GPHN: variants seen among roughly 807,000 people sequenced by gnomAD.
The protein encoded by GPHN is gephyrin.
In GPHN, 17 loss-of-function variants were observed where a neutral mutation model predicts 95.5. The observed-to-expected ratio is 0.18, with a 90% CI of 0.12 to 0.27. The LOEUF (loss-of-function observed/expected upper bound fraction) is 0.27, where lower values mean the gene tolerates loss of function less well. GPHN is among the 10% of genes least tolerant of loss of function. GPHN has a pLI of 1.00. For missense variants in GPHN, 660 were observed against 978.1 expected (o/e 0.67, Z 4.34); for synonymous variants, 320 against 322.5 (o/e 0.99, Z 0.08).
intron 4 of GPHN, among the ~76,000 whole-genome samples, chr14:66,861,188 A>T (rs1372337294): frequency 6.6e-6 from 1 of 152,110 alleles, no homozygotes; most frequent in Admixed American, 6.5e-5. Flanking sequence ...AAAAGATGGA[A>T]AAAGATATTC....
chr14:67,144,363 C>A (rs190291948), intron 18 of GPHN, among the ~76,000 whole-genome samples: 107 of 145,992 alleles, frequency 7.3e-4, no homozygotes, highest in African/African-American at 2.7e-3. Flanking sequence ...ATAAAGACCA[C>A]AATTTGAATA....
chr14:66,731,681 G>A (rs923813358), intron 2 of GPHN, among the ~76,000 whole-genome samples: 1 of 152,166 alleles, frequency 6.6e-6, no homozygotes, highest in Admixed American at 6.5e-5. Flanking sequence ...GAAGCCCATT[G>A]TAGAAATTTT....
At chr14:66,811,444 A>T (rs1595983033) in intron 3 of GPHN, among the ~76,000 whole-genome samples, 1 of 152,138 alleles carries the variant, frequency 6.6e-6, no homozygotes, top group South Asian at 2.1e-4. Flanking sequence ...GTGATTTTTA[A>T]ATTTCCTTAT....
intron 10 of GPHN, among the ~76,000 whole-genome samples, chr14:67,045,948 G>A (rs921059897): frequency 2.6e-5 from 4 of 152,034 alleles, no homozygotes; most frequent in African/African-American, 9.7e-5. Context: ...ACAGAATCCT[G>A]TACAGAACTG....
chr14:66,886,505 A>G (rs1018532334), intron 5 of GPHN, among the ~76,000 whole-genome samples: 2 of 152,098 alleles, frequency 1.3e-5, no homozygotes, highest in African/African-American at 4.8e-5. Flanking sequence ...CCAGTGAATT[A>G]TGGATGAAAA....
chr14:66,752,724 G>A (rs906276841), intron 2 of GPHN, among the ~76,000 whole-genome samples: 5 of 152,016 alleles, frequency 3.3e-5, no homozygotes, highest in African/African-American at 1.2e-4. Context: ...GTGAGCACAT[G>A]CACTTGGAAA....
At chr14:67,433,111 C>T in the GPHN span, among the ~76,000 whole-genome samples, 1 of 152,128 alleles carries the variant, frequency 6.6e-6, no homozygotes, top group Non-Finnish European at 1.5e-5. Context: ...CTTCCTTAAC[C>T]AGCCATGTCC....
the GPHN span, among the ~76,000 whole-genome samples, chr14:67,362,845 C>T: frequency 3.3e-5 from 5 of 152,076 alleles, no homozygotes; most frequent in Non-Finnish European, 4.4e-5. Flanking sequence ...TCTTTTTGTA[C>T]TTAACTACTA....
chr14:66,605,623 A>AG (rs891881648), intron 1 of GPHN, among the ~76,000 whole-genome samples: 1 of 137,564 alleles, frequency 7.3e-6, no homozygotes, highest in African/African-American at 2.8e-5. Context: ...TCTGCCCCCC[A>AG]GGTTAACACC....
At chr14:66,780,281 G>A (rs1885196) in intron 3 of GPHN, among the ~76,000 whole-genome samples, 2,345 of 152,214 alleles carry the variant, frequency 0.015, 33 homozygotes, top group Non-Finnish European at 0.018. Flanking sequence ...TCAGAAGAGA[G>A]ACACAATCTA....
chr14:67,224,991 A>G, the GPHN span: 1,617 of 764,178 alleles, frequency 2.1e-3, 15 homozygotes, highest in African/African-American at 0.023. Context: ...TGAATTTAAT[A>G]TTCAAAATAA....
intron 3 of GPHN, among the ~76,000 whole-genome samples, chr14:66,809,358 AAATAATAAT>A (rs540241852): frequency 2.6e-5 from 4 of 151,680 alleles, no homozygotes; most frequent in Admixed American, 1.3e-4. Context: ...GAGTTTTCCT[AAATAATAAT>A]AATAATAATA....
chr14:67,209,493 A>G, the GPHN span, among the ~76,000 whole-genome samples: 4 of 152,156 alleles, frequency 2.6e-5, no homozygotes, highest in Admixed American at 2.6e-4. Context: ...AAAAATAAAT[A>G]CACTCATATA....
At chr14:67,686,327 T>C in the GPHN span, 4 of 152,174 alleles carry the variant, frequency 2.6e-5, no homozygotes, top group African/African-American at 7.2e-5. Flanking sequence ...AGTTCATATA[T>C]GTTAAAGGTC....
the GPHN span, chr14:67,580,903 G>A: frequency 7.1e-7 from 1 of 1,408,118 alleles, no homozygotes; most frequent in Non-Finnish European, 1.0e-6. Flanking sequence ...TCCTTATCAG[G>A]AAATTTTCTG....
intron 16 of GPHN, among the ~76,000 whole-genome samples, chr14:67,117,824 A>G (rs1362492509): frequency 6.6e-6 from 1 of 152,152 alleles, no homozygotes; most frequent in African/African-American, 2.4e-5. Context: ...CCTCAAAACA[A>G]GGGCTGGAGT....
At chr14:67,682,122 CT>C in the GPHN span, among the ~76,000 whole-genome samples, 7 of 152,216 alleles carry the variant, frequency 4.6e-5, no homozygotes, top group East Asian at 1.2e-3. Context: ...AAGTAAATTT[CT>C]TTAGAAATTA....
At chr14:67,734,786 G>A in the GPHN span, among the ~76,000 whole-genome samples, 4 of 152,174 alleles carry the variant, frequency 2.6e-5, no homozygotes, top group Non-Finnish European at 5.9e-5. Flanking sequence ...TCTTCCCCTT[G>A]AGTTTTAGGA....
the GPHN span, among the ~76,000 whole-genome samples, chr14:67,624,559 A>G: frequency 1.7e-4 from 26 of 152,286 alleles, no homozygotes; most frequent in Admixed American, 4.6e-4. Context: ...GCGAAGAGGG[A>G]GGTGATACAC....
Sources: allele counts gnomAD v4.1 joint callset (sites outside exome capture counted in the v4.1 genomes callset), GRCh38; gene constraint gnomAD v4.1.1; transcripts MANE v1.5; gene names NCBI Gene and HGNC (gene_info 2026-07-23, HGNC 2026-07-21).